EVI5L: variants seen among roughly 807,000 people sequenced by gnomAD.
EVI5L encodes EVI5-like protein.
EVI5L carries 30 observed loss-of-function variants against 106.1 expected under a neutral mutation model. The ratio of observed to expected loss-of-function variants is 0.28; its 90% CI spans 0.21 to 0.38. The LOEUF (loss-of-function observed/expected upper bound fraction) is 0.38, where lower values mean the gene tolerates loss of function less well. Among genes scored for constraint, EVI5L ranks in the 10% least tolerant of loss-of-function variants. EVI5L has a pLI of 1.00. For missense variants in EVI5L, 809 were observed against 1,098.0 expected (o/e 0.74, Z 3.72); for synonymous variants, 489 against 483.3 (o/e 1.01, Z -0.15).
Position 7,851,742 on chromosome 19 carries a change from T to G in EVI5L, c.959T>G (p.Met320Arg). 6.6e-7 allele frequency: 1 copy of G among 1,511,280 alleles called. No individual in the cohort carries two copies. The highest frequency in any genetic ancestry group is 1.3e-5 in the South Asian group (1 of 74,754). The allele number at this position is 1,511,280 out of a possible 1,614,324, so 93.6% of individuals were successfully genotyped here. A position where few individuals can be genotyped will look rare whatever the true frequency, so the allele number is the denominator to read the frequency against. The change falls in exon 8 of 20, where the codon ATG becomes AGG. Residue 320 changes from methionine to arginine, a missense_variant. Around this residue, in one of 2 missense-constraint regions of EVI5L, gnomAD observed 357 missense variants for 588.1 expected, o/e 0.61. Coordinates refer to ENST00000538904, the MANE Select transcript of EVI5L (RefSeq NM_001159944.3). ...ALLQVNQAEL[M>R]QLDMEGMSQY... The stretch of plus-strand genomic sequence containing the variant: ...CTGCAGGTGAACCAGGCAGAGCTGA[T>G]GCAGCTGGACATGGAGGGGATGTCC...
Position 7,858,311 on chromosome 19 carries a change from C to A in EVI5L, c.1354C>A (p.Arg452=). ...CCTGCAGAAGGCACAGAGCACCATCCGGCAGCTACAGGAGCAGCAGGTAGG... is the reference window on the plus strand; with the variant it reads ...CCTGCAGAAGGCACAGAGCACCATCAGGCAGCTACAGGAGCAGCAGGTAGG... ...EDLQKAQSTI[R]QLQEQQENPR... The change falls in exon 13 of 20, where the codon CGG becomes AGG. Residue 452 remains arginine (R), a synonymous_variant. Transcript: ENST00000538904. This position sits in a 1 kb window ranked among gnomAD's most constrained non-coding sequence, Gnocchi z 5.7. The A allele has an allele frequency of 1.9e-6, 3 of 1,548,102 alleles. No individual in the cohort carries two copies. The highest frequency in any genetic ancestry group is 2.6e-6 in the Non-Finnish European group (3 of 1,146,938).
Position 7,850,199 on chromosome 19 carries a change from G to A in EVI5L, c.753+77G>A, listed in dbSNP as rs1979172875. 22 of 1,525,312 alleles carry A rather than the reference G, an allele frequency of 1.4e-5. No individual in the cohort carries two copies. The highest frequency in any genetic ancestry group is 2.2e-4 in the Middle Eastern group (1 of 4,592). The allele number at this position is 1,525,312 out of a possible 1,614,324, so 94.5% of individuals were successfully genotyped here. A position where few individuals can be genotyped will look rare whatever the true frequency, so the allele number is the denominator to read the frequency against. On this transcript the variant is annotated intron_variant, in intron 6 of 19. Transcript: ENST00000538904. This position sits in a 1 kb window ranked among gnomAD's most constrained non-coding sequence, Gnocchi z 5.4. ...GGCAGGGCCGCAAGGGAGCAGGATC[G>A]CAGAAGGGCAGGGCTGGCACCCTAG...
At chr19:7,842,479 T>C (rs1417372683) in intron 1 of EVI5L, among the ~76,000 whole-genome samples, 1 of 151,394 alleles carries the variant, frequency 6.6e-6, no homozygotes, top group East Asian at 1.9e-4. Flanking sequence ...AGTGTGTGCA[T>C]GTGTGTGGGG....
In EVI5L at chr19:7,857,962, G is replaced by T; in HGVS notation, c.1234-229G>T. ...AGGAGATGGAGCTTTCCAAGCCCAG[G>T]GCTAGCTCTGTTCCTCCCGGGCTCC... On this transcript the variant is annotated intron_variant, in intron 12 of 19. Transcript: ENST00000538904. The surrounding 1 kb of genome is among the most constrained non-coding windows in gnomAD (Gnocchi z 4.5). 1.8e-6 allele frequency: 1 copy of T among 554,686 alleles called. No individual in the cohort carries two copies. Among genetic ancestry groups the T allele is most frequent in the Middle Eastern group, 4.8e-4 (1 of 2,066 alleles). 34.4% of individuals were successfully genotyped at this position (554,686 alleles called of 1,614,324 possible).
chr19:7,852,040 C>T (rs529339466), intron 8 of EVI5L, among the ~76,000 whole-genome samples: 1 of 152,328 alleles, frequency 6.6e-6, no homozygotes, highest in South Asian at 2.1e-4. Flanking sequence ...CCCCACTGCC[C>T]ACCTCCTGCC....
chr19:7,857,766 G>A lies in EVI5L; in HGVS notation c.1234-425G>A, dbSNP rs1325091052. ...AGAGCCCAGGACTAGAGAAGATGCCGCTGGGAGAGGTGAATGCCCTGGGGA... is the reference window on the plus strand; with the variant it reads ...AGAGCCCAGGACTAGAGAAGATGCCACTGGGAGAGGTGAATGCCCTGGGGA... On this transcript the variant is annotated intron_variant, in intron 12 of 19. Transcript: ENST00000538904. This position sits in a 1 kb window ranked among gnomAD's most constrained non-coding sequence, Gnocchi z 4.5. 1.1e-5 allele frequency: 2 copies of A among 186,638 alleles called. No homozygotes were observed. Among genetic ancestry groups the A allele is most frequent in the African/African-American group, 2.4e-5 (1 of 41,432 alleles). 11.6% of individuals were successfully genotyped at this position (186,638 alleles called of 1,614,324 possible). A position where few individuals can be genotyped will look rare whatever the true frequency, so the allele number is the denominator to read the frequency against.
intron 14 of EVI5L, 76 bp downstream of exon 14, chr19:7,860,765 G>A: frequency 1.4e-6 from 2 of 1,452,388 alleles, no homozygotes. Flanking sequence ...AGCTTTGGGA[G>A]TGACCCCAGG....
intron 10 of EVI5L, 124 bp from the exon 11 acceptor site, chr19:7,855,891 C>A: frequency 1.3e-6 from 1 of 763,604 alleles, no homozygotes; most frequent in Non-Finnish European, 1.8e-6. Flanking sequence ...AAGATGCTGG[C>A]TGTGCCCTGC....
At chr19:7,847,278 G>A (rs1978996974) in intron 2 of EVI5L, among the ~76,000 whole-genome samples, 1 of 151,646 alleles carries the variant, frequency 6.6e-6, no homozygotes, top group Non-Finnish European at 1.5e-5. Flanking sequence ...GGCAACAAGA[G>A]CAAAACTCCG....
intron 5 of EVI5L, 46 bp downstream of exon 5, chr19:7,849,376 C>A: frequency 2.5e-6 from 4 of 1,601,068 alleles, no homozygotes; most frequent in African/African-American, 2.7e-5. Flanking sequence ...CAACAGCCCA[C>A]CCTGGGCTCG....
Position 7,856,121 on chromosome 19 carries a change from A to G in EVI5L, c.1200+53A>G. 1 of 1,307,538 alleles carries G rather than the reference A, an allele frequency of 7.6e-7. No individual in the cohort carries two copies. The highest frequency in any genetic ancestry group is 9.8e-7 in the Non-Finnish European group (1 of 1,015,844). The allele number at this position is 1,307,538 out of a possible 1,614,324, so 81.0% of individuals were successfully genotyped here. A position where few individuals can be genotyped will look rare whatever the true frequency, so the allele number is the denominator to read the frequency against. Reference sequence around the variant, plus strand: ...TGGTCGCCATGGGGTGTGACCCACCATGCGGGGCATGGCCGCTAACCTGGG... The same window carrying G: ...TGGTCGCCATGGGGTGTGACCCACCGTGCGGGGCATGGCCGCTAACCTGGG... On this transcript the variant is annotated intron_variant, in intron 11 of 19. Coordinates refer to ENST00000538904, the MANE Select transcript of EVI5L (RefSeq NM_001159944.3). This position sits in a 1 kb window ranked among gnomAD's most constrained non-coding sequence, Gnocchi z 6.6.
rs564664184 is a variant in EVI5L at position 7,849,970 on chromosome 19, G to GC, written c.628-20dup. On this transcript the variant is annotated intron_variant, in intron 5 of 19. Transcript: ENST00000538904. ...GCCCCTCCCCGCTGCGCTGCCCTGA[G>GC]CCCCCCCACCTGCCCGTCCCCCCTA... 71 of 1,564,904 alleles carry GC rather than the reference G, an allele frequency of 4.5e-5. No homozygotes were observed. In the African/African-American group the frequency reaches 4.7e-4, roughly 10 times the overall value.
At position 7,848,362 on chromosome 19, in the gene EVI5L, C is replaced by T. The variant is rs117869925; in HGVS notation, c.327+441C>T. Among the ~76,000 whole-genome samples the T allele has an allele frequency of 5.3e-3, 814 of 152,230 alleles. 3 individuals are homozygous for T. The highest frequency in any genetic ancestry group is 8.9e-3 in the Non-Finnish European group (604 of 68,020). ...CTGTAATCCCAGTTCGTTGGAAGGT[C>T]GAGGCAGGCAGATCACCTAAGGTCA... is the stretch of plus-strand genomic sequence containing the variant. On this transcript the variant is annotated intron_variant, in intron 3 of 19. Coordinates refer to ENST00000538904, the MANE Select transcript of EVI5L (RefSeq NM_001159944.3). This position sits in a 1 kb window ranked among gnomAD's most constrained non-coding sequence, Gnocchi z 4.8.
chr19:7,842,554 A>T lies in EVI5L; in HGVS notation c.-47-3942A>T, dbSNP rs559689439. Among the ~76,000 whole-genome samples the T allele has an allele frequency of 2.5e-4, 35 of 142,012 alleles. 1 individual carries two copies. In the South Asian group the frequency reaches 6.9e-3, roughly 28 times the overall value. The allele number at this position is 142,012 out of a possible 152,430, so 93.2% of individuals were successfully genotyped here. A position where few individuals can be genotyped will look rare whatever the true frequency, so the allele number is the denominator to read the frequency against. On this transcript the variant is annotated intron_variant, in intron 1 of 19. Transcript: ENST00000538904. ...GAATTGGGGTGTATCAAGTGTGTGT[A>T]TGTGTGTGAATTGTGTGTGTGCATG...
chr19:7,855,371 C>T (rs952734020), intron 10 of EVI5L, among the ~76,000 whole-genome samples: 1 of 152,148 alleles, frequency 6.6e-6, no homozygotes, highest in Non-Finnish European at 1.5e-5. Flanking sequence ...GGATTACAGG[C>T]GTGAGCCACT....
rs763981739 is a variant in EVI5L at position 7,862,119 on chromosome 19, C to A, written c.1645-3C>A. On this transcript the variant is annotated splice_polypyrimidine_tract_variant and splice_region_variant and intron_variant, in intron 15 of 19. Transcript: ENST00000538904. ...CCGCCGGCTTCTCGGCTTCACCCCC[C>A]AGGCCCATCTGGCCCGCGGCGGCCG... The A allele has an allele frequency of 6.6e-5, 104 of 1,565,134 alleles. No individual in the cohort carries two copies. Among genetic ancestry groups the A allele is most frequent in the Non-Finnish European group, 5.7e-5 (66 of 1,159,844 alleles).
At chr19:7,852,101 C>T (rs775193237) in intron 8 of EVI5L, among the ~76,000 whole-genome samples, 1 of 152,184 alleles carries the variant, frequency 6.6e-6, no homozygotes, top group Non-Finnish European at 1.5e-5. Flanking sequence ...GACTGACTGA[C>T]CATGAGGGCA....
At position 7,850,562 on chromosome 19, in the gene EVI5L, G is replaced by T. The variant is rs1230971785; in HGVS notation, c.753+440G>T. 6.6e-6 allele frequency among the ~76,000 whole-genome samples: 1 copy of T among 152,072 alleles called. No individual in the cohort carries two copies. The highest frequency in any genetic ancestry group is 6.5e-5 in the Admixed American group (1 of 15,284). On this transcript the variant is annotated intron_variant, in intron 6 of 19. Coordinates refer to ENST00000538904, the MANE Select transcript of EVI5L (RefSeq NM_001159944.3). The surrounding 1 kb of genome is among the most constrained non-coding windows in gnomAD (Gnocchi z 5.4). ...CTGCTCCCGGCTGGCAGGCAGAGCC[G>T]CCAAGGCCGTTTGCGAACATACACA...
intron 17 of EVI5L, 122 bp downstream of exon 17, chr19:7,862,656 T>G: frequency 5.1e-6 from 4 of 785,046 alleles, no homozygotes; most frequent in Non-Finnish European, 6.6e-6. Flanking sequence ...CTGCCCGCGG[T>G]CCTCCCGCCC....
Sources: gnomAD v4.1 joint callset for allele counts (sites outside exome capture counted in the v4.1 genomes callset) on GRCh38, gnomAD v4.1.1 for gene constraint, gnomAD v4.1.1 regional missense constraint, Gnocchi (gnomAD v3.1) non-coding constraint, MANE v1.5 for transcripts, NCBI Gene and HGNC (gene_info 2026-07-23, HGNC 2026-07-21) for gene names.